Variants in PSMG2 observed in about 807,000 individuals in gnomAD.
PSMG2 encodes CD40 ligand-activated specific transcript 3.
PSMG2 carries 21 observed loss-of-function variants against 31.5 expected under a neutral mutation model. That is an observed-to-expected ratio of 0.67 (90% CI 0.47 to 0.96). The LOEUF (loss-of-function observed/expected upper bound fraction) is 0.96. PSMG2 is among the 40% of genes least tolerant of loss of function. The probability of loss-of-function intolerance (pLI) is 0.00; values close to 1 mark genes in which losing one functional copy is unlikely to be tolerated. For missense variants in PSMG2, 318 were observed against 321.2 expected, an observed-to-expected ratio of 0.99 and a Z score of 0.08; for synonymous variants, 120 against 110.4, an observed-to-expected ratio of 1.09 and a Z score of -0.54.
intron 1 of PSMG2, chr18:12,697,241 C>G: frequency 6.2e-7 from 1 of 1,613,042 alleles, no homozygotes; most frequent in Non-Finnish European, 8.5e-7. Flanking sequence ...ATAAGTTCCA[C>G]AGTCAGACTG....
intron 1 of PSMG2, 151 bp downstream of exon 1, chr18:12,703,315 C>A: frequency 1.1e-6 from 1 of 915,206 alleles, no homozygotes; most frequent in South Asian, 1.8e-5. Flanking sequence ...AGGTTGTAGC[C>A]GGAGGCAGCC....
intron 1 of PSMG2, among the ~76,000 whole-genome samples, chr18:12,703,758 A>G (rs2040228488): frequency 6.6e-6 from 1 of 152,318 alleles, no homozygotes; most frequent in Non-Finnish European, 1.5e-5. Flanking sequence ...AGGTCCTGAG[A>G]TAATTGGGAG....
upstream of PSMG2, among the ~76,000 whole-genome samples, chr18:12,698,204 T>C (rs2040026616): frequency 6.6e-6 from 1 of 151,668 alleles, no homozygotes. Flanking sequence ...ATTAGAAGTT[T>C]TTATAAATAA....
intron 1 of PSMG2, among the ~76,000 whole-genome samples, chr18:12,682,538 T>A (rs938851807): frequency 3.3e-5 from 5 of 152,096 alleles, no homozygotes; most frequent in East Asian, 1.9e-4. Context: ...TAAAGTTTTT[T>A]AAAAAAAATT....
chr18:12,723,123 A>G (rs2040446046), intron 5 of PSMG2, among the ~76,000 whole-genome samples: 2 of 152,204 alleles, frequency 1.3e-5, no homozygotes, highest in Admixed American at 6.5e-5. Flanking sequence ...AGACTTCCGA[A>G]TGTATATATC....
intron 2 of PSMG2, among the ~76,000 whole-genome samples, chr18:12,711,099 T>TA (rs1568041831): frequency 1.3e-5 from 2 of 151,692 alleles, no homozygotes; most frequent in Admixed American, 1.3e-4. Context: ...GACTCTGTCT[T>TA]AAAAAACAAA....
At chr18:12,676,036 TTACAAA>T (rs2039118169) in intron 1 of PSMG2, among the ~76,000 whole-genome samples, 1 of 152,132 alleles carries the variant, frequency 6.6e-6, no homozygotes, top group Non-Finnish European at 1.5e-5. Flanking sequence ...AATAATAATA[TTACAAA>T]TACAAAAAAT....
intron 1 of PSMG2, chr18:12,672,641 A>G (rs1418872170): frequency 5.1e-6 from 5 of 982,340 alleles, no homozygotes; most frequent in African/African-American, 1.7e-5. Context: ...ATCGACTGCA[A>G]GATCACAATT....
chr18:12,723,032 C>G (rs2040445068), intron 5 of PSMG2, among the ~76,000 whole-genome samples: 1 of 152,204 alleles, frequency 6.6e-6, no homozygotes, highest in Non-Finnish European at 1.5e-5. Context: ...GAACCAAGTA[C>G]TGGGCTAGGG....
At chr18:12,702,128 AAG>A (rs1417302895), upstream of PSMG2, among the ~76,000 whole-genome samples, 21 of 152,186 alleles carry the variant, frequency 1.4e-4, no homozygotes, top group African/African-American at 4.6e-4. Flanking sequence ...CGTCTCAAGA[AAG>A]AAAAAAAACC....
intron 1 of PSMG2, chr18:12,686,230 T>C (rs2039535700): frequency 1.3e-6 from 2 of 1,538,584 alleles, no homozygotes; most frequent in Non-Finnish European, 1.8e-6. Flanking sequence ...TATGATATAC[T>C]GCTACTTAAT....
intron 1 of PSMG2, among the ~76,000 whole-genome samples, chr18:12,668,833 C>T (rs1033391883): frequency 8.1e-5 from 12 of 147,952 alleles, no homozygotes; most frequent in Non-Finnish European, 1.6e-4. Context: ...CTTCGCCTCC[C>T]GGGTTTAAGC....
intron 1 of PSMG2, among the ~76,000 whole-genome samples, chr18:12,688,637 A>G (rs749903168): frequency 6.6e-6 from 1 of 152,204 alleles, no homozygotes; most frequent in Non-Finnish European, 1.5e-5. Context: ...TGAAAAGTTA[A>G]TATTTCAACC....
intron 1 of PSMG2, chr18:12,691,382 G>C: frequency 6.3e-7 from 1 of 1,598,212 alleles, no homozygotes; most frequent in Non-Finnish European, 8.5e-7. Flanking sequence ...TTAACCAGTC[G>C]TGAGTTGTGT....
upstream of PSMG2, chr18:12,702,562 G>GTCTCCCCGCCGCT (rs758646330): frequency 1.3e-6 from 2 of 1,560,068 alleles, no homozygotes; most frequent in African/African-American, 1.4e-5. Flanking sequence ...GGCAGCCGGC[G>GTCTCCCCGCCGCT]TCTCCCCGCC....
At chr18:12,663,033 T>C (rs1598601418) in intron 1 of PSMG2, among the ~76,000 whole-genome samples, 1 of 152,192 alleles carries the variant, frequency 6.6e-6, no homozygotes, top group East Asian at 1.9e-4. Context: ...AAAGACCTCA[T>C]AAATATGAAT....
chr18:12,673,297 A>C, intron 1 of PSMG2: 1 of 1,522,174 alleles, frequency 6.6e-7, no homozygotes. Flanking sequence ...ACCTCTAAAT[A>C]GCTAAGTAAT....
At chr18:12,710,636 C>T (rs1766581509) in intron 2 of PSMG2, among the ~76,000 whole-genome samples, 1 of 152,130 alleles carries the variant, frequency 6.6e-6, no homozygotes, top group African/African-American at 2.4e-5. Context: ...CCTCTTGTCA[C>T]TTGGCTTGTT....
intron 1 of PSMG2, chr18:12,685,431 G>A (rs1387323365): frequency 6.6e-6 from 1 of 152,110 alleles, no homozygotes; most frequent in Non-Finnish European, 1.5e-5. Context: ...TTTAGTACTT[G>A]TAGGTCCCTA....
Sources: gnomAD v4.1 joint callset for allele counts (sites outside exome capture counted in the v4.1 genomes callset) on GRCh38, gnomAD v4.1.1 for gene constraint, MANE v1.5 for transcripts, NCBI Gene and HGNC (gene_info 2026-07-23, HGNC 2026-07-21) for gene names.